The following ADGRL2 variants were observed in gnomAD, a reference collection of about 807,000 sequenced individuals.
The protein encoded by ADGRL2 is calcium-independent alpha-latrotoxin receptor 2.
ADGRL2 carries 44 observed loss-of-function variants against 157.4 expected under a neutral mutation model. That is an observed-to-expected ratio of 0.28 (90% CI 0.22 to 0.36). The LOEUF is 0.36. Ranked by LOEUF, ADGRL2 falls within the 10% of genes least tolerant of loss-of-function variation. ADGRL2 has a pLI of 1.00. For synonymous variants in ADGRL2, 585 were observed against 624.7 expected, an observed-to-expected ratio of 0.94 and a Z score of 0.95; for missense variants, 1,510 against 1,768.9, an observed-to-expected ratio of 0.85 and a Z score of 2.63.
chr1:81,579,290 C>G (rs2080858594), intron 2 of ADGRL2: 1 of 152,134 alleles, frequency 6.6e-6, no homozygotes, highest in South Asian at 2.1e-4. Context: ...TACATGGGTT[C>G]TATTTCCAGT....
chr1:81,509,783 A>G (rs1379576509), intron 2 of ADGRL2, among the ~76,000 whole-genome samples: 1 of 152,166 alleles, frequency 6.6e-6, no homozygotes, highest in Non-Finnish European at 1.5e-5. Flanking sequence ...GCTCTATTGA[A>G]TTGTTTGCAC....
At chr1:81,359,083 T>A (rs922680547) in intron 1 of ADGRL2, among the ~76,000 whole-genome samples, 9 of 151,676 alleles carry the variant, frequency 5.9e-5, no homozygotes, top group East Asian at 3.9e-4. Flanking sequence ...TTAAAAAAAA[T>A]TAAAAAAAAG....
In ADGRL2 at chr1:81,382,591, G is replaced by A. The variant is rs532931389; in HGVS notation, c.-301-62445G>A. ...AGAGAAAGTTATGAAGCATGGAGGGGTGGGGGAAGCAGAGGCAAATAAAGA... is the reference window on the plus strand; with the variant it reads ...AGAGAAAGTTATGAAGCATGGAGGGATGGGGGAAGCAGAGGCAAATAAAGA... On this transcript the variant is annotated intron_variant, in intron 1 of 24. Coordinates refer to the ADGRL2 transcript ENST00000370721. Among the ~76,000 whole-genome samples the A allele has an allele frequency of 2.0e-5, 3 of 152,264 alleles. No individual in the cohort carries two copies. In the East Asian group the frequency reaches 5.8e-4, roughly 29 times the overall value.
intron 3 of ADGRL2, among the ~76,000 whole-genome samples, chr1:81,590,948 G>T (rs919949921): frequency 3.3e-5 from 5 of 152,058 alleles, no homozygotes; most frequent in African/African-American, 1.2e-4. Context: ...AGACCCTCAG[G>T]ATCCACTCCC....
intron 1 of ADGRL2, among the ~76,000 whole-genome samples, chr1:81,387,690 C>T (rs576916172): frequency 1.3e-5 from 2 of 152,202 alleles, no homozygotes; most frequent in African/African-American, 2.4e-5. Flanking sequence ...ACTGTGGTTT[C>T]GGCTGTCTGC....
At chr1:81,557,219 G>A (rs141597376) in intron 2 of ADGRL2, 251 of 188,068 alleles carry the variant, frequency 1.3e-3, no homozygotes, top group African/African-American at 5.7e-3. Flanking sequence ...CAAGCTGAAC[G>A]TTGATGTCCT....
At chr1:81,906,713 G>A (rs976222331) in intron 2 of ADGRL2, among the ~76,000 whole-genome samples, 3 of 151,754 alleles carry the variant, frequency 2.0e-5, no homozygotes, top group Admixed American at 6.6e-5. Flanking sequence ...ACTTGTCACC[G>A]TTTATAAAAT....
intron 2 of ADGRL2, among the ~76,000 whole-genome samples, chr1:81,497,979 G>T (rs1190084361): frequency 6.6e-6 from 1 of 152,124 alleles, no homozygotes; most frequent in Non-Finnish European, 1.5e-5. Flanking sequence ...GGCCGAGGCG[G>T]GCAGATCACG....
chr1:81,473,094 AAGAG>A (rs200754378), intron 2 of ADGRL2, among the ~76,000 whole-genome samples: 2,315 of 151,606 alleles, frequency 0.015, 70 homozygotes, highest in East Asian at 0.12. Flanking sequence ...GAGAGAGGGA[AAGAG>A]AGAGAGCAGA....
chr1:81,815,203 GT>G (rs2090275597), intron 1 of ADGRL2, among the ~76,000 whole-genome samples: 1 of 151,792 alleles, frequency 6.6e-6, no homozygotes, highest in South Asian at 2.1e-4. Flanking sequence ...AAATCAGATT[GT>G]TGGTTTAAAA....
chr1:81,529,825 A>C (rs2079556161), intron 2 of ADGRL2, among the ~76,000 whole-genome samples: 1 of 152,344 alleles, frequency 6.6e-6, no homozygotes, highest in South Asian at 2.1e-4. Flanking sequence ...TAAAGCCCAA[A>C]GTCTGCAGTT....
At chr1:81,424,184 G>A (rs1286317201) in intron 1 of ADGRL2, among the ~76,000 whole-genome samples, 2 of 152,172 alleles carry the variant, frequency 1.3e-5, no homozygotes, top group Non-Finnish European at 2.9e-5. Context: ...CAATGTCAGA[G>A]AGCATCCCAG....
chr1:81,552,608 A>G (rs1378069008), intron 2 of ADGRL2, among the ~76,000 whole-genome samples: 2 of 143,632 alleles, frequency 1.4e-5, no homozygotes, highest in Non-Finnish European at 3.0e-5. Flanking sequence ...TTACTTAGAA[A>G]AAAAAAAAAA....
chr1:81,668,282 G>A (rs563615269), intron 3 of ADGRL2, among the ~76,000 whole-genome samples: 9 of 151,962 alleles, frequency 5.9e-5, no homozygotes, highest in Admixed American at 3.3e-4. Context: ...AAAATTAGTC[G>A]GACATGGTGG....
chr1:81,853,075 A>G (rs998307541), intron 2 of ADGRL2, among the ~76,000 whole-genome samples: 1 of 152,138 alleles, frequency 6.6e-6, no homozygotes, highest in Non-Finnish European at 1.5e-5. Flanking sequence ...ATATGTCAGC[A>G]TTTTGACACT....
In ADGRL2 at chr1:81,392,706, T is replaced by A. The variant is rs1019238413; in HGVS notation, c.-301-52330T>A. On this transcript the variant is annotated intron_variant, in intron 1 of 24. Coordinates refer to the ADGRL2 transcript ENST00000370721. ...GTTTGACTATGATCTTGAAATCCAATGGGAAATAGAGTGCCAACTGGCAAA... is the reference window on the plus strand; with the variant it reads ...GTTTGACTATGATCTTGAAATCCAAAGGGAAATAGAGTGCCAACTGGCAAA... 2.0e-5 allele frequency among the ~76,000 whole-genome samples: 3 copies of A among 152,122 alleles called. No individual in the cohort carries two copies. The South Asian group carries it at 6.2e-4, about 31-fold the overall frequency.
chr1:81,540,624 A>T (rs963548488), intron 2 of ADGRL2, among the ~76,000 whole-genome samples: 3 of 152,196 alleles, frequency 2.0e-5, no homozygotes, highest in Non-Finnish European at 4.4e-5. Context: ...TTCCAGGCAA[A>T]GAGGGATTGC....
At chr1:81,621,498 A>G (rs2081788910) in intron 3 of ADGRL2, among the ~76,000 whole-genome samples, 1 of 152,220 alleles carries the variant, frequency 6.6e-6, no homozygotes, top group Non-Finnish European at 1.5e-5. Flanking sequence ...GCCAAGGAAT[A>G]CAAGTGGTGC....
chr1:81,612,673 G>A (rs1886341), intron 3 of ADGRL2, among the ~76,000 whole-genome samples: 5 of 151,704 alleles, frequency 3.3e-5, no homozygotes, highest in African/African-American at 9.7e-5. Flanking sequence ...AGATGAGAAT[G>A]CAAAATAATA....
Sources: allele counts gnomAD v4.1 joint callset (sites outside exome capture counted in the v4.1 genomes callset), GRCh38; gene constraint gnomAD v4.1.1; transcripts MANE v1.5; gene names NCBI Gene and HGNC (gene_info 2026-07-23, HGNC 2026-07-21).